Variants in SUMF1 observed in about 807,000 individuals in gnomAD.
SUMF1 encodes the protein formylglycine-generating enzyme.
SUMF1 carries 48 observed loss-of-function variants against 47.6 expected under a neutral mutation model. That is an observed-to-expected ratio of 1.01 (90% CI 0.80 to 1.28). SUMF1 has a LOEUF of 1.28. Ranked by LOEUF, SUMF1 falls within the 50% of genes most tolerant of loss-of-function variation. The probability of loss-of-function intolerance (pLI) is 0.00; values close to 1 mark genes in which losing one functional copy is unlikely to be tolerated. For missense variants in SUMF1, 571 were observed against 485.4 expected (o/e 1.18, Z -1.66); for synonymous variants, 230 against 192.1 (o/e 1.20, Z -1.63).
chr3:4,146,112 A>C (rs573347205), intron 8 of SUMF1, among the ~76,000 whole-genome samples: 4 of 152,110 alleles, frequency 2.6e-5, no homozygotes, highest in South Asian at 2.1e-4. Context: ...ACCGCCAGCA[A>C]AGCATTTCAC....
At chr3:4,181,252 G>T (rs550157914) in intron 8 of SUMF1, among the ~76,000 whole-genome samples, 3 of 152,156 alleles carry the variant, frequency 2.0e-5, no homozygotes, top group South Asian at 2.1e-4. Flanking sequence ...TTGCTCAGGG[G>T]AGCCTTCACC....
intron 8 of SUMF1, among the ~76,000 whole-genome samples, chr3:4,070,890 CAAAGTGCTGGG>C (rs1559444894): frequency 6.6e-6 from 1 of 152,070 alleles, no homozygotes; most frequent in Non-Finnish European, 1.5e-5. Context: ...CTCGGCCTCC[CAAAGTGCTGGG>C]ATTACAGAAG....
intron 7 of SUMF1, among the ~76,000 whole-genome samples, chr3:4,393,506 A>G (rs1217176887): frequency 6.6e-6 from 1 of 151,830 alleles, no homozygotes; most frequent in East Asian, 1.9e-4. Context: ...CTAATATTTT[A>G]TTTTTTTATA....
intron 8 of SUMF1, among the ~76,000 whole-genome samples, chr3:4,237,815 T>C (rs2124991802): frequency 6.6e-6 from 1 of 152,308 alleles, no homozygotes; most frequent in East Asian, 1.9e-4. Context: ...AGTGCTGGGA[T>C]ACATGTACAG....
intron 9 of SUMF1, among the ~76,000 whole-genome samples, chr3:4,057,490 T>C (rs1047808789): frequency 6.6e-6 from 1 of 152,058 alleles, no homozygotes; most frequent in South Asian, 2.1e-4. Flanking sequence ...AGAAAGAACA[T>C]AGAGAAACAA....
intron 8 of SUMF1, among the ~76,000 whole-genome samples, chr3:4,184,675 G>C (rs1165317491): frequency 2.1e-5 from 3 of 143,950 alleles, no homozygotes; most frequent in African/African-American, 7.8e-5. Flanking sequence ...TTTTGAGACA[G>C]TCTTGCTCTG....
At chr3:4,301,046 G>A (rs1391820895) in intron 8 of SUMF1, among the ~76,000 whole-genome samples, 3 of 152,018 alleles carry the variant, frequency 2.0e-5, no homozygotes, top group Non-Finnish European at 2.9e-5. Context: ...AGTTCAATAA[G>A]ATGGTTTTGC....
intron 6 of SUMF1, 63 bp downstream of exon 6, chr3:4,417,065 A>G (rs1701737245): frequency 3.4e-6 from 5 of 1,477,536 alleles, no homozygotes; most frequent in Middle Eastern, 1.7e-4. Context: ...CTTTCACCCC[A>G]TGTCTACTGG....
Position 4,376,366 on chromosome 3 carries a change from G to A in SUMF1, c.978C>T (p.Asp326=), listed in dbSNP as rs1001149264. 3 of 1,614,142 alleles carry A rather than the reference G, an allele frequency of 1.9e-6. No homozygotes were observed. The highest frequency in any genetic ancestry group is 2.7e-5 in the African/African-American group (2 of 75,036). Residue 326 remains aspartate (D), a synonymous_variant, in exon 8 of 9, where the codon GAC becomes GAT. Coordinates refer to ENST00000272902, the MANE Select transcript of SUMF1 (RefSeq NM_182760.4). The stretch of plus-strand genomic sequence containing the variant: ...TGTAGGATCCACCTTTCTTCACTCG[G>A]TCTTTCCCAGAAGGGGGACCTTTCT... ...LNPKGPPSGK[D]RVKKGGSYMC...
At chr3:4,421,786 G>A (rs950689341) in intron 3 of SUMF1, among the ~76,000 whole-genome samples, 5 of 152,134 alleles carry the variant, frequency 3.3e-5, no homozygotes, top group Non-Finnish European at 7.4e-5. Context: ...CACCTGGCCT[G>A]CAAATGATTC....
At chr3:4,229,942 G>C (rs1434706331) in intron 8 of SUMF1, among the ~76,000 whole-genome samples, 1 of 151,988 alleles carries the variant, frequency 6.6e-6, no homozygotes, top group Non-Finnish European at 1.5e-5. Context: ...GAGCCCAGGA[G>C]TTTAACACTG....
intron 8 of SUMF1, among the ~76,000 whole-genome samples, chr3:4,262,051 A>T (rs1235151925): frequency 6.6e-6 from 1 of 152,212 alleles, no homozygotes. Flanking sequence ...AAAACTGACC[A>T]CATCTCTGAT....
rs1233415691 is a variant in SUMF1 at position 4,420,082 on chromosome 3, T to A, written c.584A>T (p.Asp195Val). The A allele has an allele frequency of 1.2e-6, 2 of 1,614,066 alleles. No homozygotes were observed. Among genetic ancestry groups the A allele is most frequent in the South Asian group, 1.1e-5 (1 of 91,068 alleles). ...GANWRHPEGP[D>V]STILHRPDHP... Reference sequence around the variant, plus strand: ...GCCTCACCTGTGCAGAATAGTAGAGTCAGGCCCTTCTGGGTGTCTCCAGTT... The same window carrying A: ...GCCTCACCTGTGCAGAATAGTAGAGACAGGCCCTTCTGGGTGTCTCCAGTT... Residue 195 changes from aspartate to valine, a missense_variant, in exon 4 of 9, where the codon GAC becomes GTC. By Grantham distance (152) the Asp-to-Val change is radical. Coordinates refer to ENST00000272902, the MANE Select transcript of SUMF1 (RefSeq NM_182760.4).
chr3:4,303,215 C>A, intron 8 of SUMF1: 1 of 698,354 alleles, frequency 1.4e-6, no homozygotes, highest in Non-Finnish European at 2.2e-6. Flanking sequence ...GGAGCCAGAC[C>A]CAAAAAGTCA....
chr3:4,360,255 T>C (rs1699717029), downstream of SUMF1, among the ~76,000 whole-genome samples: 1 of 146,060 alleles, frequency 6.8e-6, no homozygotes, highest in African/African-American at 2.6e-5. Context: ...GGTGGAAGTT[T>C]GTAGAGAAAC....
intron 9 of SUMF1, among the ~76,000 whole-genome samples, chr3:4,062,029 C>T (rs961158772): frequency 6.6e-6 from 1 of 151,984 alleles, no homozygotes; most frequent in Non-Finnish European, 1.5e-5. Flanking sequence ...CCTCTAATAC[C>T]GTCTCACCCT....
Position 4,376,401 on chromosome 3 carries a change from G to T in SUMF1, c.955-12C>A. On this transcript the variant is annotated splice_polypyrimidine_tract_variant and intron_variant, in intron 7 of 8. Transcript: ENST00000272902. ...GAAGGGGGACCTTTCTACAGATGAA[G>T]AAAAAAGGCTATGTTAGACCAGAAG... 6.2e-7 allele frequency: 1 copy of T among 1,614,008 alleles called. No homozygotes were observed. The highest frequency in any genetic ancestry group is 8.5e-7 in the Non-Finnish European group (1 of 1,179,924).
chr3:4,360,177 CATTA>C (rs1446013788), downstream of SUMF1, among the ~76,000 whole-genome samples: 1 of 143,544 alleles, frequency 7.0e-6, no homozygotes, highest in African/African-American at 2.6e-5. Flanking sequence ...TTATTTCCTA[CATTA>C]ATTATTTGCT....
At chr3:4,304,298 C>T (rs1465882936) in intron 8 of SUMF1, among the ~76,000 whole-genome samples, 3 of 152,092 alleles carry the variant, frequency 2.0e-5, no homozygotes, top group Admixed American at 6.5e-5. Context: ...TGGGCCACCA[C>T]GCCCGGCTAA....
Sources: allele counts gnomAD v4.1 joint callset (sites outside exome capture counted in the v4.1 genomes callset), GRCh38; gene constraint gnomAD v4.1.1; transcripts MANE v1.5; gene names NCBI Gene and HGNC (gene_info 2026-07-23, HGNC 2026-07-21).